ARHGAP6: variants seen among roughly 807,000 people sequenced by gnomAD.
The protein encoded by ARHGAP6 is Rho GTPase activating protein 6.
A neutral mutation model predicts 55.7 loss-of-function variants in ARHGAP6; 16 were observed. The observed-to-expected ratio is 0.29, with a 90% CI of 0.19 to 0.44. The LOEUF (loss-of-function observed/expected upper bound fraction) is 0.44, where lower values mean the gene tolerates loss of function less well. ARHGAP6 is among the 20% of genes least tolerant of loss of function. The pLI is 1.00. For missense variants in ARHGAP6, 698 were observed against 808.9 expected, an observed-to-expected ratio of 0.86 and a Z score of 1.66; for synonymous variants, 382 against 360.9, an observed-to-expected ratio of 1.06 and a Z score of -0.66.
chrX:11,492,705 G>A lies in ARHGAP6; in HGVS notation c.588+171536C>T, dbSNP rs138854986. 3.2e-4 allele frequency among the ~76,000 whole-genome samples: 34 copies of A among 107,186 alleles called. No homozygotes were observed. The East Asian group carries it at 9.6e-3, about 30-fold the overall frequency. The allele number at this position is 107,186 out of a possible 115,157, so 93.1% of individuals were successfully genotyped here. On this transcript the variant is annotated intron_variant, in intron 1 of 12. Coordinates refer to ENST00000337414, the MANE Select transcript of ARHGAP6 (RefSeq NM_013427.3). Reference sequence around the variant, plus strand: ...GCTTGTATACTATAGTCCTATTTATGTTAAGAGAGAAAGAGGAGAGAGAAA... The same window carrying A: ...GCTTGTATACTATAGTCCTATTTATATTAAGAGAGAAAGAGGAGAGAGAAA...
intron 1 of ARHGAP6, among the ~76,000 whole-genome samples, chrX:11,533,042 TTC>T (rs1016298018): frequency 2.7e-5 from 3 of 111,629 alleles, no homozygotes; most frequent in African/African-American, 9.8e-5. Context: ...TACAAAAAAT[TTC>T]TTTTTTAAAA....
At chrX:11,542,216 C>A (rs1314046744) in intron 1 of ARHGAP6, among the ~76,000 whole-genome samples, 2 of 111,142 alleles carry the variant, frequency 1.8e-5, no homozygotes, top group Non-Finnish European at 3.8e-5. Context: ...ACCTGTAATC[C>A]CAGCACTTTG....
At chrX:11,279,719 A>AT (rs1261653630) in intron 1 of ARHGAP6, among the ~76,000 whole-genome samples, 2 of 110,642 alleles carry the variant, frequency 1.8e-5, no homozygotes, top group Non-Finnish European at 3.8e-5. Context: ...TTCGACACTT[A>AT]TTTTTTTGCC....
chrX:11,426,990 C>G (rs1442143109), intron 1 of ARHGAP6, among the ~76,000 whole-genome samples: 3 of 109,962 alleles, frequency 2.7e-5, no homozygotes, highest in African/African-American at 9.9e-5. Context: ...CTGGTATTCT[C>G]TTGTATTAGC....
intron 1 of ARHGAP6, among the ~76,000 whole-genome samples, chrX:11,394,011 G>C (rs904951993): frequency 3.6e-5 from 4 of 111,120 alleles, no homozygotes; most frequent in African/African-American, 1.3e-4. Context: ...CAGAAGGTAG[G>C]GTGAGTAGTT....
intron 1 of ARHGAP6, among the ~76,000 whole-genome samples, chrX:11,444,736 G>GACTAC (rs775910918): frequency 0.11 from 12,713 of 111,497 alleles, 655 homozygotes; most frequent in Admixed American, 0.2. Flanking sequence ...AGGGTCAAGG[G>GACTAC]CATATTACTA....
chrX:11,647,161 A>C (rs1473391037), intron 1 of ARHGAP6, among the ~76,000 whole-genome samples: 1 of 112,271 alleles, frequency 8.9e-6, no homozygotes, highest in Non-Finnish European at 1.9e-5. Context: ...TATTTTTTCC[A>C]ATGGTATTTA....
intron 9 of ARHGAP6, among the ~76,000 whole-genome samples, chrX:11,159,760 G>T (rs1405777679): frequency 2.7e-5 from 3 of 111,643 alleles, no homozygotes; most frequent in Admixed American, 9.5e-5. Flanking sequence ...GGCACATATA[G>T]ATGGTATTTA....
At chrX:11,575,280 G>A (rs1218988646) in intron 1 of ARHGAP6, among the ~76,000 whole-genome samples, 5 of 111,967 alleles carry the variant, frequency 4.5e-5, no homozygotes, top group Non-Finnish European at 9.4e-5. Context: ...CCACATGGTA[G>A]CCTGCCCTCC....
intron 1 of ARHGAP6, among the ~76,000 whole-genome samples, chrX:11,432,233 C>T (rs772902082): frequency 3.1e-4 from 35 of 112,604 alleles, no homozygotes; most frequent in Non-Finnish European, 5.4e-4. Context: ...ACTTCTTTTG[C>T]TCAACATTCC....
In ARHGAP6 at chrX:11,521,728, T is replaced by C. The variant is rs1028707312; in HGVS notation, c.588+142513A>G. On this transcript the variant is annotated intron_variant, in intron 1 of 12. Coordinates refer to ENST00000337414, the MANE Select transcript of ARHGAP6 (RefSeq NM_013427.3). ...TGGTAGCTTGATGGGGATGGCACTG[T>C]ATCTATAAATTACCTTGGGCAGTAT... 2.7e-5 allele frequency among the ~76,000 whole-genome samples: 3 copies of C among 111,058 alleles called. No homozygotes were observed. The Admixed American group carries it at 2.9e-4, about 11-fold the overall frequency.
At position 11,569,833 on chromosome X, in the gene ARHGAP6, A is replaced by T. The variant is rs1400171303; in HGVS notation, c.588+94408T>A. On this transcript the variant is annotated intron_variant, in intron 1 of 12. Coordinates refer to ENST00000337414, the MANE Select transcript of ARHGAP6 (RefSeq NM_013427.3). Reference sequence around the variant, plus strand: ...GGCTTCATTCCACAGAGGACTCAACAGGCATTTCTGTTGCTGCCACAGAGT... The same window carrying T: ...GGCTTCATTCCACAGAGGACTCAACTGGCATTTCTGTTGCTGCCACAGAGT... Among the ~76,000 whole-genome samples, 4 of 112,185 alleles carry T rather than the reference A, an allele frequency of 3.6e-5. No homozygotes were observed. In the East Asian group the frequency reaches 1.1e-3, roughly 31 times the overall value.
At chrX:11,149,523 C>T (rs1319069084) in intron 10 of ARHGAP6, among the ~76,000 whole-genome samples, 1 of 111,301 alleles carries the variant, frequency 9.0e-6, no homozygotes, top group Non-Finnish European at 1.9e-5. Context: ...AGGCCAACAG[C>T]TACCGCCACT....
Position 11,664,268 on chromosome X carries a change from C to T in ARHGAP6, c.561G>A (p.Gly187=). Residue 187 remains glycine (G), a synonymous_variant, in exon 1 of 13, where the codon GGG becomes GGA. Transcript: ENST00000337414. ...RKFQSPPDSR[G]HPYVVWKSEG... The stretch of plus-strand genomic sequence containing the variant: ...CGGATTTCCACACGACGTAGGGGTG[C>T]CCGCGACTGTCGGGTGGGGACTGGA... 1 of 1,210,246 alleles carries T rather than the reference C, an allele frequency of 8.3e-7. No individual in the cohort carries two copies. The highest frequency in any genetic ancestry group is 1.1e-6 in the Non-Finnish European group (1 of 894,672).
intron 1 of ARHGAP6, among the ~76,000 whole-genome samples, chrX:11,554,937 G>C (rs1169833955): frequency 8.9e-6 from 1 of 112,220 alleles, no homozygotes; most frequent in Non-Finnish European, 1.9e-5. Flanking sequence ...GGGAACCTTT[G>C]AGACAATCTA....
intron 1 of ARHGAP6, chrX:11,318,750 A>C (rs991162926): frequency 8.8e-6 from 1 of 113,768 alleles, no homozygotes; most frequent in African/African-American, 3.2e-5. Context: ...AGAAATTCTG[A>C]AAAATGGACC....
At chrX:11,418,730 C>A (rs936125538) in intron 1 of ARHGAP6, among the ~76,000 whole-genome samples, 1 of 111,698 alleles carries the variant, frequency 9.0e-6, no homozygotes, top group African/African-American at 3.3e-5. Flanking sequence ...AAAGCAAGCA[C>A]ACCACGTATG....
intron 1 of ARHGAP6, among the ~76,000 whole-genome samples, chrX:11,385,987 A>G (rs775266377): frequency 8.9e-6 from 1 of 112,830 alleles, no homozygotes; most frequent in East Asian, 2.8e-4. Context: ...TTAAAAAAAT[A>G]CAAGTGGTGT....
chrX:11,216,459 G>C (rs747822918), intron 2 of ARHGAP6, among the ~76,000 whole-genome samples: 24 of 111,417 alleles, frequency 2.2e-4, no homozygotes, highest in African/African-American at 7.5e-4. Flanking sequence ...TTTGAGACCA[G>C]CCTGGCGAAA....
Sources: allele counts gnomAD v4.1 joint callset (sites outside exome capture counted in the v4.1 genomes callset), GRCh38; gene constraint gnomAD v4.1.1; transcripts MANE v1.5; gene names NCBI Gene and HGNC (gene_info 2026-07-23, HGNC 2026-07-21).